The following SETDB2 variants were observed in gnomAD, a reference collection of about 807,000 sequenced individuals.
SETDB2 encodes SET domain bifurcated histone lysine methyltransferase 2, also known as histone-lysine N-methyltransferase SETDB2.
SETDB2 carries 56 observed loss-of-function variants against 82.5 expected under a neutral mutation model. The observed-to-expected ratio is 0.68, with a 90% CI of 0.55 to 0.85. The LOEUF is 0.85. SETDB2 is among the 40% of genes least tolerant of loss of function. SETDB2 has a pLI of 0.00. For synonymous variants in SETDB2, 272 were observed against 284.9 expected, an observed-to-expected ratio of 0.95 and a Z score of 0.46; for missense variants, 677 against 816.4, an observed-to-expected ratio of 0.83 and a Z score of 2.08.
intron 2 of SETDB2, among the ~76,000 whole-genome samples, chr13:49,458,036 AT>A (rs1003417379): frequency 6.6e-6 from 1 of 152,188 alleles, no homozygotes; most frequent in Non-Finnish European, 1.5e-5. Flanking sequence ...GTTTTTGTTG[AT>A]TATCAGTGAA....
rs1279616440 is a variant in SETDB2 at position 49,476,496 on chromosome 13, T to C, written c.326T>C (p.Ile109Thr). 4 of 1,575,524 alleles carry C rather than the reference T, an allele frequency of 2.5e-6. No individual in the cohort carries two copies. Among genetic ancestry groups the C allele is most frequent in the Non-Finnish European group, 3.4e-6 (4 of 1,161,352 alleles). The change falls in exon 6 of 14, where the codon ATT (isoleucine) becomes ACT (threonine). Residue 109 changes from isoleucine to threonine, a missense_variant. Transcript: ENST00000611815. ...AACAGAACAACAGAAAATAAGGAAATTCTCTCTCTTGAAGATAAAGTTGTA... is the reference window on the plus strand; with the variant it reads ...AACAGAACAACAGAAAATAAGGAAACTCTCTCTCTTGAAGATAAAGTTGTA... ...CTFLTTENKE[I>T]LSLEDKVVDF...
chr13:49,447,344 G>A (rs1340757386), intron 1 of SETDB2, among the ~76,000 whole-genome samples: 7 of 152,004 alleles, frequency 4.6e-5, no homozygotes, highest in African/African-American at 1.2e-4. Context: ...TTCTACAGAT[G>A]GATTTTCCTC....
At chr13:49,446,419 C>G (rs780236277) in intron 1 of SETDB2, 10 of 456,480 alleles carry the variant, frequency 2.2e-5, no homozygotes, top group South Asian at 1.4e-4. Flanking sequence ...TCACTCCTCT[C>G]CCTCCCTACT....
Position 49,482,885 on chromosome 13 carries a change from A to G in SETDB2, c.1305A>G (p.Gly435=), listed in dbSNP as rs1269656155. The G allele has an allele frequency of 1.1e-5, 18 of 1,613,666 alleles. No homozygotes were observed. The highest frequency in any genetic ancestry group is 3.3e-5 in the Admixed American group (2 of 60,018). ...GTGAAGTTGAAGTTCTCCCATTAGGATTGGAAACACATCCTAGAACTGCTA... is the reference window on the plus strand; with the variant it reads ...GTGAAGTTGAAGTTCTCCCATTAGGGTTGGAAACACATCCTAGAACTGCTA... The part of the protein sequence containing the change: ...SDCEVEVLPL[G]LETHPRTAKT... Residue 435 remains glycine, a synonymous_variant, in exon 9 of 14, where the codon GGA becomes GGG. Transcript: ENST00000611815.
chr13:49,463,182 T>G (rs920206234), intron 4 of SETDB2, among the ~76,000 whole-genome samples: 4 of 151,672 alleles, frequency 2.6e-5, no homozygotes, highest in South Asian at 2.1e-4. Flanking sequence ...TTTTTTTTTT[T>G]TGTATTTTAG....
rs572328768 is a variant in SETDB2 at position 49,451,908 on chromosome 13, T to C, written c.15T>C (p.Asn5=). The change falls in exon 2 of 14, where the codon AAT becomes AAC. Residue 5 remains asparagine (N), a splice_region_variant and synonymous_variant. Coordinates refer to ENST00000611815, the MANE Select transcript of SETDB2 (RefSeq NM_001160308.3). Reference sequence around the variant, plus strand: ...GACATCAAAAGATGGGAGAAAAAAATGGTAGGTTGAAGAACACACTGTTAC... The same window carrying C: ...GACATCAAAAGATGGGAGAAAAAAACGGTAGGTTGAAGAACACACTGTTAC... MGEK[N]GDAKTFWMEL... The C allele has an allele frequency of 6.3e-7, 1 of 1,594,544 alleles. No homozygotes were observed. Among genetic ancestry groups the C allele is most frequent in the African/African-American group, 1.3e-5 (1 of 74,166 alleles).
intron 3 of SETDB2, 23 bp from the exon 4 acceptor site, chr13:49,461,074 T>TG (rs762082180): frequency 1.9e-6 from 3 of 1,587,280 alleles, no homozygotes; most frequent in Non-Finnish European, 1.7e-6. Flanking sequence ...GTAATGGTGA[T>TG]GCTGTTTTTC....
rs1185229525 is a variant in SETDB2 at position 49,492,355 on chromosome 13, T to C, written c.*506T>C. The C allele has an allele frequency of 6.3e-6, 1 of 158,924 alleles. No homozygotes were observed. The highest frequency in any genetic ancestry group is 1.4e-5 in the Non-Finnish European group (1 of 72,256). The allele number at this position is 158,924 out of a possible 1,614,324, so 9.8% of individuals were successfully genotyped here. On this transcript the variant is annotated 3_prime_UTR_variant, in exon 14 of 14. Coordinates refer to ENST00000611815, the MANE Select transcript of SETDB2 (RefSeq NM_001160308.3). ...TTTTATGCATATTACTCCCAAGTAT[T>C]TTAACACTTGTTGGAGAAGCAATAT...
intron 5 of SETDB2, among the ~76,000 whole-genome samples, chr13:49,471,781 C>T (rs1478243712): frequency 4.6e-5 from 7 of 151,564 alleles, no homozygotes; most frequent in African/African-American, 1.7e-4. Flanking sequence ...AAGTCAATAC[C>T]TAAGGTCAGG....
At chr13:49,477,063 C>CA in intron 6 of SETDB2, 24 bp downstream of exon 6, 3 of 1,533,394 alleles carry the variant, frequency 2.0e-6, no homozygotes, top group Non-Finnish European at 2.6e-6. Context: ...CATGGCGTTT[C>CA]AAAAAAATCT....
At chr13:49,460,436 C>T (rs1350983762) in intron 3 of SETDB2, among the ~76,000 whole-genome samples, 1 of 151,946 alleles carries the variant, frequency 6.6e-6, no homozygotes, top group Non-Finnish European at 1.5e-5. Context: ...GCAAAAGTAA[C>T]ATCTGCTCAT....
At chr13:49,483,113 A>G in intron 9 of SETDB2, 151 bp downstream of exon 9, 1 of 600,390 alleles carries the variant, frequency 1.7e-6, no homozygotes, top group Non-Finnish European at 2.9e-6. Context: ...AATCCAGGAC[A>G]TGTAAAAATC....
intron 5 of SETDB2, among the ~76,000 whole-genome samples, chr13:49,471,937 T>A (rs374903489): frequency 0.34 from 42,331 of 123,866 alleles, 8,177 homozygotes; most frequent in Non-Finnish European, 0.45. Context: ...TATATATATT[T>A]TTTTTTTTTT....
chr13:49,476,717 T>C lies in SETDB2; in HGVS notation c.547T>C (p.Cys183Arg). ...ACTCCACGTGAGTTATAAAACCCCT[T>C]GTGGAAGGAGTCTACGAAACGTGGA... Reference protein sequence around the residue: ...SALHVSYKTPCGRSLRNVEEV... With the variant: ...SALHVSYKTPRGRSLRNVEEV... Residue 183 changes from cysteine to arginine, a missense_variant, in exon 6 of 14, where the codon TGT becomes CGT. Cys to Arg is a radical substitution (Grantham distance 180). Around this residue, in one of 3 missense-constraint regions of SETDB2, gnomAD observed 243 missense variants for 237.2 expected, o/e 1.02. Coordinates refer to ENST00000611815, the MANE Select transcript of SETDB2 (RefSeq NM_001160308.3). The C allele has an allele frequency of 1.2e-6, 2 of 1,614,194 alleles. No homozygotes were observed. The highest frequency in any genetic ancestry group is 1.7e-6 in the Non-Finnish European group (2 of 1,180,032).
In SETDB2 at chr13:49,463,855, C is replaced by T. The variant is rs138819586; in HGVS notation, c.208+2693C>T. Among the ~76,000 whole-genome samples the T allele has an allele frequency of 8.4e-3, 1,284 of 152,296 alleles. 8 individuals are homozygous for T. The highest frequency in any genetic ancestry group is 0.012 in the Non-Finnish European group (824 of 68,024). ...TATGTTGAGGGAGTGCTGGGAGAGT[C>T]CCAGAGCACATTCCTTTGTGTCCTG... On this transcript the variant is annotated intron_variant, in intron 4 of 13. Transcript: ENST00000611815.
intron 2 of SETDB2, among the ~76,000 whole-genome samples, chr13:49,456,216 C>A (rs372221146): frequency 6.6e-6 from 1 of 152,102 alleles, no homozygotes; most frequent in Non-Finnish European, 1.5e-5. Flanking sequence ...AAGCCCCTTA[C>A]TACATATGTT....
At chr13:49,445,162 C>T (rs1311113351) in intron 1 of SETDB2, among the ~76,000 whole-genome samples, 1 of 152,128 alleles carries the variant, frequency 6.6e-6, no homozygotes, top group Non-Finnish European at 1.5e-5. Context: ...TACGGTATGG[C>T]ATTCCTTAGC....
chr13:49,477,086 G>A, intron 6 of SETDB2, 47 bp downstream of exon 6: 1 of 1,469,982 alleles, frequency 6.8e-7, no homozygotes, highest in Non-Finnish European at 9.1e-7. Flanking sequence ...TGAATGTAAG[G>A]ACGCTTGTTA....
intron 2 of SETDB2, among the ~76,000 whole-genome samples, chr13:49,455,980 C>T (rs1957874624): frequency 6.6e-6 from 1 of 152,018 alleles, no homozygotes; most frequent in Non-Finnish European, 1.5e-5. Context: ...AGTTTGATGC[C>T]ACTAACTTGA....
Sources: allele counts gnomAD v4.1 joint callset (sites outside exome capture counted in the v4.1 genomes callset), GRCh38; gene constraint gnomAD v4.1.1; regional missense constraint gnomAD v4.1.1; transcripts MANE v1.5; gene names NCBI Gene and HGNC (gene_info 2026-07-23, HGNC 2026-07-21).